Variants in L3MBTL4 observed in about 807,000 individuals in gnomAD.
The protein encoded by L3MBTL4 is lethal(3)malignant brain tumor-like protein 4.
Under a neutral mutation model 84.5 loss-of-function variants are expected in L3MBTL4, and 70 were observed. That is an observed-to-expected ratio of 0.83 (90% CI 0.68 to 1.01). The LOEUF is 1.01. L3MBTL4 is among the 50% of genes least tolerant of loss of function. The pLI is 0.00. For missense variants in L3MBTL4, 715 were observed against 754.8 expected (o/e 0.95, Z 0.62); for synonymous variants, 274 against 259.8 (o/e 1.05, Z -0.52).
intron 10 of L3MBTL4, among the ~76,000 whole-genome samples, chr18:6,228,561 C>A (rs1394729050): frequency 6.6e-6 from 1 of 151,988 alleles, no homozygotes; most frequent in Non-Finnish European, 1.5e-5. Flanking sequence ...AAAAATAATT[C>A]TTAAAAAATG....
chr18:6,238,532 C>CA lies in L3MBTL4; in HGVS notation c.708-493dup, dbSNP rs931940343. On this transcript the variant is annotated intron_variant, in intron 9 of 18. Coordinates refer to ENST00000317931, the MANE Select transcript of L3MBTL4 (RefSeq NM_001330559.2). ...TGGGCAACAGAGCGAGATTCCATCT[C>CA]AAAAAAAAAAAGTATAAAATTAACA... is the stretch of plus-strand genomic sequence containing the variant. Among the ~76,000 whole-genome samples the CA allele has an allele frequency of 6.2e-4, 89 of 142,498 alleles. 1 individual carries two copies. Among genetic ancestry groups the CA allele is most frequent in the African/African-American group, 1.4e-3 (53 of 38,984 alleles). The allele number at this position is 142,498 out of a possible 152,430, so 93.5% of individuals were successfully genotyped here.
At chr18:6,120,344 A>G (rs890164910) in intron 14 of L3MBTL4, among the ~76,000 whole-genome samples, 2 of 152,150 alleles carry the variant, frequency 1.3e-5, no homozygotes, top group Non-Finnish European at 2.9e-5. Flanking sequence ...AGAGGGAAGG[A>G]AGACAGGATG....
rs369778937 is a variant in L3MBTL4, at chr18:6,171,828, G to A, written c.1096C>T (p.Arg366Ter). 4.5e-5 allele frequency: 69 copies of A among 1,527,710 alleles called. No homozygotes were observed. Among genetic ancestry groups the A allele is most frequent in the Middle Eastern group, 1.7e-4 (1 of 5,944 alleles). 94.6% of individuals were successfully genotyped at this position (1,527,710 alleles called of 1,614,324 possible). ...VTGHPLEVPQ[R>*]TNDLKILPGQ... The stretch of plus-strand genomic sequence containing the variant: ...CAACAACAAAGAGCAAAGTACTCAC[G>A]CTGTGGCACTTCCAGTGGATGCCCT... The change falls in exon 13 of 19, where the codon CGA (arginine) becomes TGA (stop). Residue 366 changes from arginine (R) to a stop codon, truncating the protein, a stop_gained and splice_region_variant. Transcript: ENST00000317931. LOFTEE classifies it high-confidence loss of function.
chr18:6,161,686 CACTA>C (rs1399029669), intron 13 of L3MBTL4, among the ~76,000 whole-genome samples: 2 of 152,120 alleles, frequency 1.3e-5, no homozygotes, highest in African/African-American at 2.4e-5. Context: ...GAGAGGCTGC[CACTA>C]ACTATTTCAG....
At position 6,329,673 on chromosome 18, in the gene L3MBTL4, G is replaced by A. The variant is rs531908348; in HGVS notation, c.-90-17617C>T. ...GTCTACAGTGTCCCAAGGTGCACAGGTATGACATGGTGAGGGGGCTGAGCA... is the reference window on the plus strand; with the variant it reads ...GTCTACAGTGTCCCAAGGTGCACAGATATGACATGGTGAGGGGGCTGAGCA... On this transcript the variant is annotated intron_variant, in intron 1 of 18. Coordinates refer to ENST00000317931, the MANE Select transcript of L3MBTL4 (RefSeq NM_001330559.2). 7.2e-5 allele frequency among the ~76,000 whole-genome samples: 11 copies of A among 152,228 alleles called. No homozygotes were observed. The South Asian group carries it at 2.1e-3, about 29-fold the overall frequency.
chr18:6,213,409 T>G (rs756981728), intron 11 of L3MBTL4, 150 bp from the exon 12 acceptor site: 2 of 570,748 alleles, frequency 3.5e-6, no homozygotes, highest in Non-Finnish European at 6.2e-6. Context: ...GCTTTTTTGT[T>G]TTTGTTTTTG....
At chr18:6,205,410 T>C (rs1318712630) in intron 12 of L3MBTL4, among the ~76,000 whole-genome samples, 2 of 152,230 alleles carry the variant, frequency 1.3e-5, no homozygotes, top group Admixed American at 1.3e-4. Flanking sequence ...GTGGTGTTTT[T>C]ATTTTTGTTT....
intron 1 of L3MBTL4, among the ~76,000 whole-genome samples, chr18:6,324,710 G>T (rs1158598705): frequency 4.6e-5 from 7 of 152,126 alleles, no homozygotes; most frequent in African/African-American, 1.7e-4. Flanking sequence ...AGCCTGAAAT[G>T]AAGCCTTTTA....
intron 13 of L3MBTL4, among the ~76,000 whole-genome samples, chr18:6,144,470 A>G (rs949765351): frequency 1.3e-5 from 2 of 152,224 alleles, no homozygotes; most frequent in African/African-American, 4.8e-5. Context: ...ACAAAAAGGA[A>G]AGAAAATATG....
At chr18:6,294,144 C>A (rs2049989602) in intron 4 of L3MBTL4, among the ~76,000 whole-genome samples, 1 of 151,994 alleles carries the variant, frequency 6.6e-6, no homozygotes, top group African/African-American at 2.4e-5. Flanking sequence ...ATCGGATTGA[C>A]AACTTACTCT....
intron 16 of L3MBTL4, among the ~76,000 whole-genome samples, chr18:6,042,937 T>C (rs2056464880): frequency 6.6e-6 from 1 of 152,190 alleles, no homozygotes; most frequent in Admixed American, 6.5e-5. Flanking sequence ...CATTAAGACG[T>C]AACTCAATAT....
chr18:6,307,435 CAAA>C (rs10610609), intron 3 of L3MBTL4, among the ~76,000 whole-genome samples: 28 of 115,380 alleles, frequency 2.4e-4, no homozygotes, highest in African/African-American at 7.6e-4. Context: ...GACTCCGTCT[CAAA>C]AAAAAAAAAA....
intron 1 of L3MBTL4, among the ~76,000 whole-genome samples, chr18:6,382,181 C>T (rs1311438366): frequency 6.6e-6 from 1 of 152,194 alleles, no homozygotes; most frequent in East Asian, 1.9e-4. Context: ...TCAGCTCCAT[C>T]AGTTCATTTA....
At chr18:6,030,090 G>A (rs921827353) in intron 16 of L3MBTL4, 1 of 981,194 alleles carries the variant, frequency 1.0e-6, no homozygotes, top group Non-Finnish European at 1.2e-6. Flanking sequence ...AGGACACGAG[G>A]AAACTGTTTA....
At chr18:6,406,702 T>C (rs1041976912) in intron 1 of L3MBTL4, among the ~76,000 whole-genome samples, 1 of 152,102 alleles carries the variant, frequency 6.6e-6, no homozygotes, top group African/African-American at 2.4e-5. Context: ...CTACCAGGCA[T>C]GGGGCAGCAT....
intron 1 of L3MBTL4, among the ~76,000 whole-genome samples, chr18:6,403,532 T>C (rs2055597930): frequency 6.6e-6 from 1 of 152,222 alleles, no homozygotes; most frequent in Non-Finnish European, 1.5e-5. Flanking sequence ...GTTAGTCATG[T>C]CCAGACATTT....
At chr18:6,188,369 A>G (rs1252059352) in intron 12 of L3MBTL4, among the ~76,000 whole-genome samples, 2 of 151,610 alleles carry the variant, frequency 1.3e-5, no homozygotes, top group African/African-American at 2.4e-5. Flanking sequence ...ATACACTGAT[A>G]TTTTAGGGAG....
At chr18:6,298,924 CCAAA>C (rs1424611230) in intron 4 of L3MBTL4, among the ~76,000 whole-genome samples, 2 of 151,962 alleles carry the variant, frequency 1.3e-5, no homozygotes, top group Non-Finnish European at 1.5e-5. Context: ...CAACACTCAA[CCAAA>C]CAAATACTAA....
At chr18:6,220,631 G>C (rs1165951040) in intron 10 of L3MBTL4, among the ~76,000 whole-genome samples, 20 of 152,024 alleles carry the variant, frequency 1.3e-4, no homozygotes, top group Non-Finnish European at 2.9e-4. Context: ...CATTTCTCTT[G>C]CTCCATTAGA....
Sources: gnomAD v4.1 joint callset for allele counts (sites outside exome capture counted in the v4.1 genomes callset) on GRCh38, gnomAD v4.1.1 for gene constraint, MANE v1.5 for transcripts, NCBI Gene and HGNC (gene_info 2026-07-23, HGNC 2026-07-21) for gene names.